The following ASTL variants were observed in gnomAD, a reference collection of about 807,000 sequenced individuals.
ASTL encodes astacin like metalloendopeptidase, also known as astacin-like metalloendopeptidase.
ASTL carries 27 observed loss-of-function variants against 36.7 expected under a neutral mutation model. The ratio of observed to expected loss-of-function variants is 0.73; its 90% confidence interval spans 0.54 to 1.01. The LOEUF is 1.01. Ranked by LOEUF, ASTL falls within the 50% of genes least tolerant of loss-of-function variation. ASTL has a pLI of 0.00. For missense variants in ASTL, 524 were observed against 572.8 expected (o/e 0.91, Z 0.87); for synonymous variants, 222 against 228.1 (o/e 0.97, Z 0.24).
chr2:96,137,595 T>C lies in ASTL; in HGVS notation c.161A>G (p.Asp54Gly). The C allele has an allele frequency of 6.2e-7, 1 of 1,613,860 alleles. No individual in the cohort carries two copies. Among genetic ancestry groups the C allele is most frequent in the Non-Finnish European group, 8.5e-7 (1 of 1,179,820 alleles). The change falls in exon 2 of 9, where the codon GAC becomes GGC. Residue 54 changes from aspartate to glycine, a missense_variant. Coordinates refer to ENST00000342380, the MANE Select transcript of ASTL (RefSeq NM_001002036.4). ...CTCACCTTGGTTAATTGCAGGAATGTCCTTGTCCCCGGAGGCCTGGGTTCC... is the reference window on the plus strand; with the variant it reads ...CTCACCTTGGTTAATTGCAGGAATGCCCTTGTCCCCGGAGGCCTGGGTTCC... ...PEGTQASGDKDIPAINQGLIL... is the reference protein window; with the variant it reads ...PEGTQASGDKGIPAINQGLIL...
At chr2:96,127,086 T>C (rs1682080146) in intron 8 of ASTL, among the ~76,000 whole-genome samples, 1 of 152,240 alleles carries the variant, frequency 6.6e-6, no homozygotes, top group Admixed American at 6.5e-5. Context: ...ATGTTATTGA[T>C]ACATGCTACA....
Position 96,130,040 on chromosome 2 carries a change from GGGA to G in ASTL, c.719+21_719+23del, listed in dbSNP as rs774970522. The stretch of plus-strand genomic sequence containing the variant: ...CACGGGAGAGGCTGGGGGAAGCAGA[GGGA>G]GAAGAAGGCAGGGTCCTCACCTCCC... On this transcript the variant is annotated intron_variant, in intron 7 of 8. Coordinates refer to ENST00000342380, the MANE Select transcript of ASTL (RefSeq NM_001002036.4). 7 of 1,613,576 alleles carry G rather than the reference GGGA, an allele frequency of 4.3e-6. No individual in the cohort carries two copies. In the African/African-American group the frequency reaches 9.3e-5, roughly 22 times the overall value.
intron 8 of ASTL, among the ~76,000 whole-genome samples, chr2:96,126,379 A>G (rs1411922300): frequency 6.6e-6 from 1 of 152,244 alleles, no homozygotes; most frequent in African/African-American, 2.4e-5. Context: ...GATGCAGATG[A>G]CCAACAAGCA....
chr2:96,133,929 G>C lies in ASTL; in HGVS notation c.337+36C>G, dbSNP rs745964188. 5 of 1,387,780 alleles carry C rather than the reference G, an allele frequency of 3.6e-6. No homozygotes were observed. The Admixed American group carries it at 8.4e-5, about 23-fold the overall frequency. 86.0% of individuals were successfully genotyped at this position (1,387,780 alleles called of 1,614,324 possible). On this transcript the variant is annotated intron_variant, in intron 4 of 8. Coordinates refer to ENST00000342380, the MANE Select transcript of ASTL (RefSeq NM_001002036.4). Reference sequence around the variant, plus strand: ...ACACCTGCCGCATTAGGAAGAAGGGGCTGAGGCAGGGAGGGAGCGCGCCAT... The same window carrying C: ...ACACCTGCCGCATTAGGAAGAAGGGCCTGAGGCAGGGAGGGAGCGCGCCAT...
chr2:96,137,133 G>A (rs902220533), intron 2 of ASTL, among the ~76,000 whole-genome samples: 13 of 152,254 alleles, frequency 8.5e-5, no homozygotes, highest in Admixed American at 6.5e-5. Context: ...GAGAGCCACC[G>A]CACCCAGCTG....
Position 96,130,585 on chromosome 2 carries a change from G to GT in ASTL, c.638-441dup, listed in dbSNP as rs575518803. Among the ~76,000 whole-genome samples, 180 of 152,312 alleles carry GT rather than the reference G, an allele frequency of 1.2e-3. 1 individual carries two copies. The Middle Eastern group carries it at 0.037, about 32-fold the overall frequency. ...TGCAGTGGTGATGCCCTAGTCCCCA[G>GT]TCACAGGCCCACCTGTTCTTCCTGT... On this transcript the variant is annotated intron_variant, in intron 6 of 8. Coordinates refer to ENST00000342380, the MANE Select transcript of ASTL (RefSeq NM_001002036.4).
At position 96,134,087 on chromosome 2, in the gene ASTL, G is replaced by T. The variant is rs200408159; in HGVS notation, c.244-29C>A. On this transcript the variant is annotated intron_variant, in intron 3 of 8. Coordinates refer to ENST00000342380, the MANE Select transcript of ASTL (RefSeq NM_001002036.4). ...AGGAGAGAGCAGCAGTTCAACCCCTGGGGACAGAGGCCACCCAAGCTTTGT... is the reference window on the plus strand; with the variant it reads ...AGGAGAGAGCAGCAGTTCAACCCCTTGGGACAGAGGCCACCCAAGCTTTGT... 29 of 1,523,780 alleles carry T rather than the reference G, an allele frequency of 1.9e-5. No individual in the cohort carries two copies. In the East Asian group the frequency reaches 6.5e-4, roughly 34 times the overall value. The allele number at this position is 1,523,780 out of a possible 1,614,324, so 94.4% of individuals were successfully genotyped here.
rs2104772231 is a variant in ASTL, at chr2:96,132,433, G to A, written c.637+107C>T. On this transcript the variant is annotated intron_variant, in intron 6 of 8. Transcript: ENST00000342380. This position sits in a 1 kb window ranked among gnomAD's most constrained non-coding sequence, Gnocchi z 5.4. ...CACCTTCCCCACAGGAAGCAGGCAGGTGATGGGGAGGATGGATAGCCTCAC... is the reference window on the plus strand; with the variant it reads ...CACCTTCCCCACAGGAAGCAGGCAGATGATGGGGAGGATGGATAGCCTCAC... 1 of 1,003,414 alleles carries A rather than the reference G, an allele frequency of 1.0e-6. No homozygotes were observed. The highest frequency in any genetic ancestry group is 1.7e-5 in the South Asian group (1 of 57,542). The allele number at this position is 1,003,414 out of a possible 1,614,324, so 62.2% of individuals were successfully genotyped here. A position where few individuals can be genotyped will look rare whatever the true frequency, so the allele number is the denominator to read the frequency against.
intron 8 of ASTL, among the ~76,000 whole-genome samples, chr2:96,129,015 G>A (rs1177646252): frequency 2.0e-5 from 3 of 151,728 alleles, no homozygotes; most frequent in East Asian, 3.9e-4. Context: ...ACTCCAGCCT[G>A]GGTGACAGAG....
Position 96,134,058 on chromosome 2 carries a change from T to C in ASTL, c.244A>G (p.Ser82Gly), listed in dbSNP as rs1682243997. 1.2e-6 allele frequency: 2 copies of C among 1,611,610 alleles called. No homozygotes were observed. Among genetic ancestry groups the C allele is most frequent in the African/African-American group, 2.7e-5 (2 of 74,940 alleles). ...FLIEGDIIRP[S>G]PFRLLSATSN... ...GTTGCTGACAGCAGTCGGAAGGGACTCTGAGGAGAGAGCAGCAGTTCAACC... is the reference window on the plus strand; with the variant it reads ...GTTGCTGACAGCAGTCGGAAGGGACCCTGAGGAGAGAGCAGCAGTTCAACC... The change falls in exon 4 of 9, where the codon AGT becomes GGT. Residue 82 changes from serine to glycine, a missense_variant and splice_region_variant. Ser to Gly is a moderately conservative substitution (Grantham distance 56). Transcript: ENST00000342380.
At chr2:96,137,895 T>G (rs1682338158) in intron 1 of ASTL, 195 bp from the exon 2 acceptor site, 4 of 572,114 alleles carry the variant, frequency 7.0e-6, no homozygotes, top group Non-Finnish European at 3.1e-6. Flanking sequence ...CTAGATGACC[T>G]CAGGGAAGGA....
Position 96,137,685 on chromosome 2 carries a change from G to A in ASTL, c.71C>T (p.Ala24Val), listed in dbSNP as rs569867697. The change falls in exon 2 of 9, where the codon GCG (alanine) becomes GTG (valine). Residue 24 changes from alanine to valine, a missense_variant. Transcript: ENST00000342380. ...LLSLPGVILG[A>V]PLASSCAGAC... ...TCCTGCGCAGCTGGAGGCCAGGGGC[G>A]CTCCTAGGATCACACCTGGTCCAGA... The A allele has an allele frequency of 2.5e-5, 40 of 1,612,910 alleles. No individual in the cohort carries two copies. Among genetic ancestry groups the A allele is most frequent in the Middle Eastern group, 3.3e-4 (2 of 6,036 alleles).
rs1682018457 is a variant in ASTL at position 96,124,207 on chromosome 2, C to T, written c.939G>A (p.Leu313=). Reference sequence around the variant, plus strand: ...TCCTGGATTCCGCCGACAGTGCCTCCAAAAGCCGCTGCAGAGATAGGGAGG... The same window carrying T: ...TCCTGGATTCCGCCGACAGTGCCTCTAAAAGCCGCTGCAGAGATAGGGAGG... ...APASLSLQRL[L]EALSAESRSP... The change falls in exon 9 of 9, where the codon TTG becomes TTA. Residue 313 remains leucine (L), a synonymous_variant. Transcript: ENST00000342380. The surrounding 1 kb of genome is among the most constrained non-coding windows in gnomAD (Gnocchi z 4.1). 6.6e-7 allele frequency: 1 copy of T among 1,524,616 alleles called. No homozygotes were observed. Among genetic ancestry groups the T allele is most frequent in the Non-Finnish European group, 8.8e-7 (1 of 1,138,518 alleles). 94.4% of individuals were successfully genotyped at this position (1,524,616 alleles called of 1,614,324 possible).
chr2:96,135,603 T>C (rs1228659911), intron 2 of ASTL, among the ~76,000 whole-genome samples, 191 bp from the exon 3 acceptor site: 3 of 152,226 alleles, frequency 2.0e-5, no homozygotes, highest in Non-Finnish European at 2.9e-5. Flanking sequence ...TTTAGTTAAG[T>C]CATTAGTTGA....
Position 96,130,085 on chromosome 2 carries a change from G to A in ASTL, c.698C>T (p.Ser233Phe). The change falls in exon 7 of 9, where the codon TCC (serine) becomes TTC (phenylalanine). Residue 233 changes from serine (S) to phenylalanine (F), a missense_variant. Coordinates refer to ENST00000342380, the MANE Select transcript of ASTL (RefSeq NM_001002036.4). ...SSNMLTPYDYSSVMHYGRLAF... is the reference protein window; with the variant it reads ...SSNMLTPYDYFSVMHYGRLAF... ...TCACCTCCCATAGTGCATCACAGAG[G>A]AGTAGTCATAGGGCGTCAGCATGTT... 3 of 1,614,060 alleles carry A rather than the reference G, an allele frequency of 1.9e-6. No individual in the cohort carries two copies. Among genetic ancestry groups the A allele is most frequent in the Non-Finnish European group, 2.5e-6 (3 of 1,179,898 alleles).
At chr2:96,137,547 A>G in intron 2 of ASTL, 28 bp downstream of exon 2, 1 of 1,608,304 alleles carries the variant, frequency 6.2e-7, no homozygotes, top group Non-Finnish European at 8.5e-7. Context: ...GTGCCCCTCC[A>G]GGCCGTGAGA....
At chr2:96,136,568 TGGTGCCTG>T (rs1470136976) in intron 2 of ASTL, among the ~76,000 whole-genome samples, 1 of 152,204 alleles carries the variant, frequency 6.6e-6, no homozygotes, top group African/African-American at 2.4e-5. Flanking sequence ...AGGGGTGGGA[TGGTGCCTG>T]GGGCTCAAGG....
At position 96,123,163 on chromosome 2, in the gene ASTL, G is replaced by C. The variant is rs1681991869; in HGVS notation, c.*687C>G. 6.6e-6 allele frequency among the ~76,000 whole-genome samples: 1 copy of C among 152,260 alleles called. No homozygotes were observed. The highest frequency in any genetic ancestry group is 1.9e-4 in the East Asian group (1 of 5,190). The stretch of plus-strand genomic sequence containing the variant: ...AGGCTGCGCCTGGCTGAGCTCCAGG[G>C]AATAGCGGTGTAGGGTGGAGACAAC... On this transcript the variant is annotated 3_prime_UTR_variant, in exon 9 of 9. Transcript: ENST00000342380.
At chr2:96,137,352 C>G (rs767655135) in intron 2 of ASTL, among the ~76,000 whole-genome samples, 10 of 152,220 alleles carry the variant, frequency 6.6e-5, no homozygotes, top group Non-Finnish European at 1.3e-4. Flanking sequence ...CACCTGTAGT[C>G]CCAGCTGCTC....
Sources: allele counts gnomAD v4.1 joint callset (sites outside exome capture counted in the v4.1 genomes callset), GRCh38; gene constraint gnomAD v4.1.1; non-coding constraint Gnocchi (gnomAD v3.1); transcripts MANE v1.5; gene names NCBI Gene and HGNC (gene_info 2026-07-23, HGNC 2026-07-21).